LMNTD1: variants seen among roughly 807,000 people sequenced by gnomAD.
LMNTD1 encodes the protein lamin tail domain-containing protein 1.
Under a neutral mutation model 50.9 loss-of-function variants are expected in LMNTD1, and 35 were observed. The ratio of observed to expected loss-of-function variants is 0.69; its 90% CI spans 0.53 to 0.91. LMNTD1 has a LOEUF of 0.91. Ranked by LOEUF, LMNTD1 falls within the 40% of genes least tolerant of loss-of-function variation. The pLI is 0.00. For missense variants in LMNTD1, 470 were observed against 475.5 expected (o/e 0.99, Z 0.11); for synonymous variants, 153 against 161.9 (o/e 0.94, Z 0.42).
intron 1 of LMNTD1, among the ~76,000 whole-genome samples, chr12:25,626,221 G>T (rs537338362): frequency 3.7e-4 from 57 of 152,100 alleles, no homozygotes; most frequent in Non-Finnish European, 7.1e-4. Context: ...AATGAAGGAG[G>T]TTCCTGAGAT....
At chr12:25,500,192 A>G (rs754085312) in intron 9 of LMNTD1, among the ~76,000 whole-genome samples, 1 of 152,216 alleles carries the variant, frequency 6.6e-6, no homozygotes, top group Non-Finnish European at 1.5e-5. Context: ...AAGTAGAGAT[A>G]GAAAACACTG....
chr12:25,593,886 C>T (rs1190867099), intron 1 of LMNTD1, among the ~76,000 whole-genome samples: 1 of 151,220 alleles, frequency 6.6e-6, no homozygotes, highest in Non-Finnish European at 1.5e-5. Context: ...TTCAAAACTT[C>T]AGGAAACAAT....
intron 1 of LMNTD1, among the ~76,000 whole-genome samples, chr12:25,572,070 G>A (rs1207473539): frequency 6.6e-6 from 1 of 152,136 alleles, no homozygotes; most frequent in African/African-American, 2.4e-5. Context: ...ACGTTTCAGT[G>A]CAAATCAGGG....
In LMNTD1 at chr12:25,549,249, T is replaced by A. The variant is rs145363780; in HGVS notation, c.310+77A>T. 8.5e-3 allele frequency: 6,265 copies of A among 739,444 alleles called. 68 individuals are homozygous for A. Among genetic ancestry groups the A allele is most frequent in the African/African-American group, 0.037 (2,058 of 55,588 alleles). 45.8% of individuals were successfully genotyped at this position (739,444 alleles called of 1,614,324 possible). On this transcript the variant is annotated intron_variant, in intron 3 of 9. Transcript: ENST00000458174. ...AGTAATAATAAAACATCATTCTGACTGAGAGTCATATATGCAATCTATTGA... is the reference window on the plus strand; with the variant it reads ...AGTAATAATAAAACATCATTCTGACAGAGAGTCATATATGCAATCTATTGA...
intron 9 of LMNTD1, among the ~76,000 whole-genome samples, chr12:25,486,868 T>G (rs9739378): frequency 1 from 151,600 of 151,608 alleles, 75,796 homozygotes; most frequent in Non-Finnish European, 1. Flanking sequence ...CTTGATCATG[T>G]TGGATAAGCT....
intron 1 of LMNTD1, among the ~76,000 whole-genome samples, chr12:25,604,705 C>G (rs919992101): frequency 1.1e-4 from 16 of 152,112 alleles, no homozygotes; most frequent in Admixed American, 7.2e-4. Flanking sequence ...TGCATAGTAT[C>G]CCATGGTGTA....
chr12:25,541,412 C>T (rs1375534010), intron 4 of LMNTD1, among the ~76,000 whole-genome samples: 10 of 145,884 alleles, frequency 6.9e-5, no homozygotes, highest in African/African-American at 1.3e-4. Flanking sequence ...TCAGAAATAA[C>T]GCCACATATC....
intron 9 of LMNTD1, among the ~76,000 whole-genome samples, chr12:25,493,352 C>T (rs1938950379): frequency 6.6e-6 from 1 of 152,118 alleles, no homozygotes; most frequent in South Asian, 2.1e-4. Context: ...CCAGCTAATC[C>T]CACTGGATTT....
chr12:25,510,464 C>A (rs1940180697), intron 8 of LMNTD1, among the ~76,000 whole-genome samples: 1 of 151,968 alleles, frequency 6.6e-6, no homozygotes, highest in African/African-American at 2.4e-5. Flanking sequence ...ATTCTTAATT[C>A]TATGGCTTGA....
At chr12:25,550,956 A>T (rs1943708254) in intron 2 of LMNTD1, among the ~76,000 whole-genome samples, 2 of 152,242 alleles carry the variant, frequency 1.3e-5, no homozygotes, top group Admixed American at 1.3e-4. Context: ...TGACACTCCA[A>T]GCATTCATAT....
intron 4 of LMNTD1, among the ~76,000 whole-genome samples, chr12:25,533,227 G>A (rs1340422517): frequency 6.6e-6 from 1 of 152,142 alleles, no homozygotes; most frequent in African/African-American, 2.4e-5. Context: ...ACAGCCTTTA[G>A]TAGTTATCTT....
At chr12:25,613,446 C>G (rs1946290218) in intron 1 of LMNTD1, among the ~76,000 whole-genome samples, 1 of 152,184 alleles carries the variant, frequency 6.6e-6, no homozygotes, top group South Asian at 2.1e-4. Context: ...CAATCTACTT[C>G]TTGCAGTTGT....
chr12:25,492,490 T>C (rs1329162036), intron 9 of LMNTD1, among the ~76,000 whole-genome samples: 1 of 152,242 alleles, frequency 6.6e-6, no homozygotes, highest in African/African-American at 2.4e-5. Flanking sequence ...TTCATTCAGA[T>C]AGTAGATGAT....
At chr12:25,586,622 GCA>G (rs1945532111) in intron 1 of LMNTD1, among the ~76,000 whole-genome samples, 1 of 152,124 alleles carries the variant, frequency 6.6e-6, no homozygotes, top group African/African-American at 2.4e-5. Context: ...CCATTGGCAG[GCA>G]CAGTTTGCCC....
At chr12:25,518,021 A>C (rs1940940708) in intron 8 of LMNTD1, among the ~76,000 whole-genome samples, 1 of 152,106 alleles carries the variant, frequency 6.6e-6, no homozygotes, top group Admixed American at 6.6e-5. Flanking sequence ...GTTTTTATGC[A>C]TTTTATATAT....
chr12:25,615,862 T>A (rs896126280), intron 1 of LMNTD1, among the ~76,000 whole-genome samples: 9 of 152,350 alleles, frequency 5.9e-5, no homozygotes, highest in South Asian at 2.1e-4. Context: ...GTAGATTTTT[T>A]AAAAATAAAT....
intron 9 of LMNTD1, among the ~76,000 whole-genome samples, chr12:25,494,054 C>G (rs1938978945): frequency 6.6e-6 from 1 of 152,148 alleles, no homozygotes; most frequent in South Asian, 2.1e-4. Flanking sequence ...CCCAACCTAT[C>G]CAGGAGGCTC....
upstream of LMNTD1, among the ~76,000 whole-genome samples, chr12:25,556,285 A>G (rs1270159674): frequency 6.6e-6 from 1 of 152,004 alleles, no homozygotes; most frequent in Non-Finnish European, 1.5e-5. Context: ...TAATCTTTAT[A>G]CGGTTCTTTC....
At position 25,626,262 on chromosome 12, in the gene LMNTD1, A is replaced by G. The variant is rs944072001; in HGVS notation, c.58+22232T>C. Among the ~76,000 whole-genome samples, 4 of 152,214 alleles carry G rather than the reference A, an allele frequency of 2.6e-5. No individual in the cohort carries two copies. In the East Asian group the frequency reaches 5.8e-4, roughly 22 times the overall value. On this transcript the variant is annotated intron_variant, in intron 1 of 7. Coordinates refer to the LMNTD1 transcript ENST00000445693. ...GTCTAGACCCAGGTGCTGGTTCCAC[A>G]GATGTGTTAAGTTTGATAAAATTAA...
Sources: allele counts gnomAD v4.1 joint callset (sites outside exome capture counted in the v4.1 genomes callset), GRCh38; gene constraint gnomAD v4.1.1; transcripts MANE v1.5; gene names NCBI Gene and HGNC (gene_info 2026-07-23, HGNC 2026-07-21).